Variants in AFF3 observed in about 807,000 individuals in gnomAD.
The protein encoded by AFF3 is ALF transcription elongation factor 3, also known as AF4/FMR2 family member 3.
AFF3 carries 32 observed loss-of-function variants against 129.7 expected under a neutral mutation model. That is an observed-to-expected ratio of 0.25 (90% CI 0.19 to 0.33). AFF3 has a LOEUF of 0.33. Among genes scored for constraint, AFF3 ranks in the 10% least tolerant of loss-of-function variants. AFF3 has a pLI of 1.00. For synonymous variants in AFF3, 644 were observed against 635.4 expected (o/e 1.01, Z -0.20); for missense variants, 1,373 against 1,592.0 (o/e 0.86, Z 2.34).
intron 7 of AFF3, among the ~76,000 whole-genome samples, chr2:99,882,623 A>C (rs957018588): frequency 6.6e-6 from 1 of 152,246 alleles, no homozygotes; most frequent in Non-Finnish European, 1.5e-5. Context: ...ATGAAAGAGC[A>C]TATCATGACA....
At chr2:99,613,750 C>T (rs982881422) in intron 13 of AFF3, among the ~76,000 whole-genome samples, 1 of 152,174 alleles carries the variant, frequency 6.6e-6, no homozygotes, top group Non-Finnish European at 1.5e-5. Context: ...TTTACTCTTC[C>T]TTAATAATAG....
intron 13 of AFF3, among the ~76,000 whole-genome samples, chr2:99,627,044 T>C (rs1028770759): frequency 3.3e-5 from 5 of 152,224 alleles, no homozygotes; most frequent in Non-Finnish European, 5.9e-5. Context: ...GCAATGAATA[T>C]ATGCATACAT....
chr2:99,986,205 A>AATG (rs1402105610), intron 7 of AFF3, among the ~76,000 whole-genome samples: 6 of 67,962 alleles, frequency 8.8e-5, no homozygotes, highest in Non-Finnish European at 1.5e-4. Flanking sequence ...CATCTCAAAT[A>AATG]ATAATAATAA....
At chr2:99,897,624 G>A (rs1191545320) in intron 7 of AFF3, among the ~76,000 whole-genome samples, 1 of 152,154 alleles carries the variant, frequency 6.6e-6, no homozygotes, top group Non-Finnish European at 1.5e-5. Flanking sequence ...CTCTGCTGAG[G>A]ATTTTAGTGC....
At chr2:99,994,488 T>G (rs1034898116) in intron 7 of AFF3, among the ~76,000 whole-genome samples, 9 of 152,156 alleles carry the variant, frequency 5.9e-5, no homozygotes, top group African/African-American at 2.2e-4. Flanking sequence ...CCAAATTATC[T>G]AAATGAGCAT....
intron 8 of AFF3, among the ~76,000 whole-genome samples, chr2:99,795,401 G>A (rs1334174409): frequency 1.3e-5 from 2 of 152,132 alleles, no homozygotes; most frequent in East Asian, 3.8e-4. Flanking sequence ...AATGGCTGGG[G>A]GGCAGGTGGG....
At chr2:99,851,590 C>T (rs1328916986) in intron 7 of AFF3, among the ~76,000 whole-genome samples, 3 of 152,024 alleles carry the variant, frequency 2.0e-5, no homozygotes, top group African/African-American at 4.8e-5. Flanking sequence ...AATACAAAGA[C>T]CCTCACTTTT....
chr2:99,613,718 T>C (rs1375015747), intron 13 of AFF3, among the ~76,000 whole-genome samples: 1 of 152,234 alleles, frequency 6.6e-6, no homozygotes, highest in East Asian at 1.9e-4. Context: ...ACTTCTTGTG[T>C]TGAATGCTTG....
intron 24 of AFF3, 42 bp downstream of exon 24, chr2:99,554,269 G>T (rs768745840): frequency 6.2e-7 from 1 of 1,604,790 alleles, no homozygotes; most frequent in South Asian, 1.1e-5. Flanking sequence ...GCTTGAACCC[G>T]GGAGGCGGAA....
At chr2:99,691,105 C>T (rs1239097253) in intron 11 of AFF3, among the ~76,000 whole-genome samples, 1 of 152,112 alleles carries the variant, frequency 6.6e-6, no homozygotes, top group Non-Finnish European at 1.5e-5. Flanking sequence ...CTGGCCTTGT[C>T]TCCTCTTCTC....
chr2:99,895,792 G>T lies in AFF3; in HGVS notation c.874-58268C>A, dbSNP rs189606225. Reference sequence around the variant, plus strand: ...CACTTATAAAAAGCTGTCTCGGATGGGCGTGGTGGCTCACGCCTGGAATCC... The same window carrying T: ...CACTTATAAAAAGCTGTCTCGGATGTGCGTGGTGGCTCACGCCTGGAATCC... On this transcript the variant is annotated intron_variant, in intron 7 of 24. Transcript: ENST00000672756. Among the ~76,000 whole-genome samples the T allele has an allele frequency of 3.3e-5, 5 of 152,236 alleles. No homozygotes were observed. In the East Asian group the frequency reaches 9.7e-4, roughly 29 times the overall value.
intron 11 of AFF3, among the ~76,000 whole-genome samples, chr2:99,700,985 G>A (rs917000333): frequency 3.9e-5 from 6 of 152,162 alleles, no homozygotes; most frequent in East Asian, 3.9e-4. Flanking sequence ...GTAAATTCCC[G>A]GGGAACACTC....
chr2:99,775,877 A>G (rs1006995507), intron 8 of AFF3, among the ~76,000 whole-genome samples: 37 of 152,148 alleles, frequency 2.4e-4, no homozygotes, highest in African/African-American at 8.7e-4. Context: ...AAACATGAAT[A>G]CTTCTTTTTT....
intron 14 of AFF3, 35 bp from the exon 15 acceptor site, chr2:99,594,324 T>C (rs1679075008): frequency 6.4e-7 from 1 of 1,572,438 alleles, no homozygotes; most frequent in Non-Finnish European, 8.7e-7. Context: ...ACAAAACATC[T>C]TTCATTACAG....
chr2:99,730,729 G>T (rs1179728078), intron 10 of AFF3, among the ~76,000 whole-genome samples: 3 of 151,928 alleles, frequency 2.0e-5, no homozygotes, highest in Non-Finnish European at 2.9e-5. Flanking sequence ...TGGCCAGGCT[G>T]GTCTCCAACT....
intron 7 of AFF3, among the ~76,000 whole-genome samples, chr2:99,864,306 T>C (rs1477692997): frequency 1.3e-5 from 2 of 152,194 alleles, no homozygotes; most frequent in South Asian, 4.1e-4. Flanking sequence ...GATAAGTTTA[T>C]CTGCTGATAA....
chr2:99,570,620 T>C (rs1207334934), intron 18 of AFF3, among the ~76,000 whole-genome samples: 1 of 152,102 alleles, frequency 6.6e-6, no homozygotes. Flanking sequence ...TTACATGGCT[T>C]CCATCACATC....
intron 7 of AFF3, among the ~76,000 whole-genome samples, chr2:99,893,346 A>G (rs1294875252): frequency 6.6e-6 from 1 of 152,212 alleles, no homozygotes; most frequent in African/African-American, 2.4e-5. Flanking sequence ...TAGGAGCCTG[A>G]CAGTCTCTAT....
At chr2:99,920,345 C>T (rs780712121) in intron 7 of AFF3, among the ~76,000 whole-genome samples, 6 of 151,770 alleles carry the variant, frequency 4.0e-5, no homozygotes, top group Admixed American at 2.0e-4. Context: ...AAAAATATGC[C>T]GCAATCAACT....
Sources: gnomAD v4.1 joint callset for allele counts (sites outside exome capture counted in the v4.1 genomes callset) on GRCh38, gnomAD v4.1.1 for gene constraint, MANE v1.5 for transcripts, NCBI Gene and HGNC (gene_info 2026-07-23, HGNC 2026-07-21) for gene names.